The following PLIN5 variants were observed in gnomAD, a reference collection of about 807,000 sequenced individuals.
The protein encoded by PLIN5 is perilipin 5.
A neutral mutation model predicts 32.8 loss-of-function variants in PLIN5; 34 were observed. That is an observed-to-expected ratio of 1.04 (90% confidence interval 0.79 to 1.38). The LOEUF (loss-of-function observed/expected upper bound fraction) is 1.38. Ranked by LOEUF, PLIN5 falls within the 40% of genes most tolerant of loss-of-function variation. PLIN5 has a pLI of 0.00. For missense variants in PLIN5, 712 were observed against 660.5 expected (o/e 1.08, Z -0.85); for synonymous variants, 309 against 292.9 (o/e 1.05, Z -0.56).
chr19:4,529,610 T>TATAC (rs533772328), intron 4 of PLIN5, 174 bp downstream of exon 4: 16 of 432,502 alleles, frequency 3.7e-5, no homozygotes, highest in Admixed American at 1.7e-4. Context: ...CATATATGTA[T>TATAC]ACACACACAC....
intron 2 of PLIN5, 164 bp downstream of exon 2, chr19:4,533,851 C>G (rs561315856): frequency 1.3e-6 from 1 of 758,636 alleles, no homozygotes; most frequent in South Asian, 1.8e-5. Context: ...ATTAAGCCCC[C>G]ACTAGGAAAT....
chr19:4,528,016 T>C (rs185499146), intron 5 of PLIN5, among the ~76,000 whole-genome samples: 5,094 of 151,316 alleles, frequency 0.034, 248 homozygotes, highest in African/African-American at 0.11. Context: ...TTCACGCCAT[T>C]CTCCTGCCTC....
Position 4,523,214 on chromosome 19 carries a change from T to C in PLIN5, c.*314A>G. The C allele has an allele frequency of 3.7e-6, 1 of 272,712 alleles. No homozygotes were observed. Among genetic ancestry groups the C allele is most frequent in the Non-Finnish European group, 6.9e-6 (1 of 145,728 alleles). 16.9% of individuals were successfully genotyped at this position (272,712 alleles called of 1,614,324 possible). Reference sequence around the variant, plus strand: ...TGCTGGGATTACAGGCGTGAGCCACTGTGCCCAGCCTCTTGGAAAGATTTG... The same window carrying C: ...TGCTGGGATTACAGGCGTGAGCCACCGTGCCCAGCCTCTTGGAAAGATTTG... On this transcript the variant is annotated 3_prime_UTR_variant, in exon 8 of 8. Transcript: ENST00000381848. This position sits in a 1 kb window ranked among gnomAD's most constrained non-coding sequence, Gnocchi z 5.0.
At position 4,529,267 on chromosome 19, in the gene PLIN5, C is replaced by A. The variant is rs544077717; in HGVS notation, c.340-14G>T. On this transcript the variant is annotated splice_polypyrimidine_tract_variant and intron_variant, in intron 4 of 7. Coordinates refer to ENST00000381848, the MANE Select transcript of PLIN5 (RefSeq NM_001013706.3). ...TGAGGTCACCACCTGGAAGGAAGGG[C>A]CCCCCCACTCCAGGCACCGTGGGAC... The A allele has an allele frequency of 3.8e-6, 6 of 1,581,978 alleles. No homozygotes were observed. In the African/African-American group the frequency reaches 4.1e-5, roughly 11 times the overall value.
intron 4 of PLIN5, chr19:4,529,459 TAC>T: frequency 3.4e-6 from 2 of 584,068 alleles, no homozygotes; most frequent in South Asian, 4.4e-5. Flanking sequence ...TACATATGTA[TAC>T]ACACATACAT....
Position 4,531,680 on chromosome 19 carries a change from G to T in PLIN5, c.203C>A (p.Thr68Asn), listed in dbSNP as rs1158914283. The change falls in exon 3 of 8, where the codon ACC becomes AAC. Residue 68 changes from threonine (T) to asparagine (N), a missense_variant. By Grantham distance (65) the Thr-to-Asn change is moderately conservative (BLOSUM62 0). Coordinates refer to ENST00000381848, the MANE Select transcript of PLIN5 (RefSeq NM_001013706.3). ...CTGGGCGTGGTCCAGGGCACGGGTG[G>T]TCAGGCCGCACACGCAGTTCTCAGC... ...RLAENCVCGL[T>N]TRALDHAQPL... is the part of the protein sequence containing the mutation. The T allele has an allele frequency of 2.6e-6, 4 of 1,549,088 alleles. No homozygotes were observed. The East Asian group carries it at 9.7e-5, about 38-fold the overall frequency.
chr19:4,528,930 G>T (rs1488033642), intron 5 of PLIN5, 143 bp downstream of exon 5: 4 of 872,906 alleles, frequency 4.6e-6, no homozygotes, highest in African/African-American at 3.4e-5. Flanking sequence ...GACCGGGAGG[G>T]AGGACAGGCC....
chr19:4,524,930 ACAC>A (rs1976780349), intron 7 of PLIN5, 30 bp downstream of exon 7: 3 of 1,506,016 alleles, frequency 2.0e-6, no homozygotes, highest in East Asian at 5.4e-5. Flanking sequence ...CTGGTGGCAG[ACAC>A]CACCTCACCT....
At chr19:4,528,085 AT>A (rs1976830437) in intron 5 of PLIN5, among the ~76,000 whole-genome samples, 1 of 151,396 alleles carries the variant, frequency 6.6e-6, no homozygotes, top group South Asian at 2.1e-4. Context: ...AATTTTTTGT[AT>A]TTTTAGTAGA....
In PLIN5 at chr19:4,523,165, T is replaced by C. The variant is rs143831727; in HGVS notation, c.*363A>G. On this transcript the variant is annotated 3_prime_UTR_variant, in exon 8 of 8. Coordinates refer to ENST00000381848, the MANE Select transcript of PLIN5 (RefSeq NM_001013706.3). The surrounding 1 kb of genome is among the most constrained non-coding windows in gnomAD (Gnocchi z 5.0). The stretch of plus-strand genomic sequence containing the variant: ...ATCCCGAACTCCTGACTTCAGATGA[T>C]CCACCTGCCTCAGACTCCCAAAGTG... The C allele has an allele frequency of 2.0e-3, 386 of 188,318 alleles. 5 individuals carry two copies. Among genetic ancestry groups the C allele is most frequent in the South Asian group, 0.012 (66 of 5,326 alleles). The allele number at this position is 188,318 out of a possible 1,614,324, so 11.7% of individuals were successfully genotyped here. A position where few individuals can be genotyped will look rare whatever the true frequency, so the allele number is the denominator to read the frequency against.
Position 4,529,044 on chromosome 19 carries a change from G to C in PLIN5, c.520+29C>G, listed in dbSNP as rs376221050. On this transcript the variant is annotated intron_variant, in intron 5 of 7. Coordinates refer to ENST00000381848, the MANE Select transcript of PLIN5 (RefSeq NM_001013706.3). Reference sequence around the variant, plus strand: ...GGGGATGGGGACGGGGCAGGACTCAGGGGTTAGGGTTGAGGGTGTCGTCCT... The same window carrying C: ...GGGGATGGGGACGGGGCAGGACTCACGGGTTAGGGTTGAGGGTGTCGTCCT... 3 of 1,603,784 alleles carry C rather than the reference G, an allele frequency of 1.9e-6. No individual in the cohort carries two copies. In the African/African-American group the frequency reaches 4.0e-5, roughly 21 times the overall value.
chr19:4,531,018 T>G (rs1361144741), intron 3 of PLIN5, among the ~76,000 whole-genome samples: 1 of 150,008 alleles, frequency 6.7e-6, no homozygotes, highest in Non-Finnish European at 1.5e-5. Context: ...TTTTTTTTTT[T>G]GAAATGGAGT....
rs553119193 is a variant in PLIN5, at chr19:4,531,975, C to T, written c.61-153G>A. Among the ~76,000 whole-genome samples, 29 of 152,334 alleles carry T rather than the reference C, an allele frequency of 1.9e-4. 1 individual carries two copies. Among genetic ancestry groups the T allele is most frequent in the Non-Finnish European group, 1.0e-4 (7 of 68,030 alleles). On this transcript the variant is annotated intron_variant, in intron 2 of 7. Coordinates refer to ENST00000381848, the MANE Select transcript of PLIN5 (RefSeq NM_001013706.3). ...GCCACGTAGAGGCAGTGAAGATAAA[C>T]GTGGATGTGAGAATGTCATGGTTCC...
intron 2 of PLIN5, 134 bp downstream of exon 2, chr19:4,533,881 C>T: frequency 3.7e-6 from 4 of 1,073,834 alleles, no homozygotes; most frequent in Non-Finnish European, 5.4e-6. Flanking sequence ...CCTCCATGGA[C>T]CAAAATATTT....
At chr19:4,534,348 G>A (rs1164915117) in intron 1 of PLIN5, 3 of 480,644 alleles carry the variant, frequency 6.2e-6, no homozygotes, top group South Asian at 3.6e-5. Context: ...AAAGACCTGG[G>A]TTCAAATGCT....
intron 2 of PLIN5, 52 bp downstream of exon 2, chr19:4,533,963 C>A (rs754736513): frequency 6.3e-7 from 1 of 1,578,112 alleles, no homozygotes; most frequent in Non-Finnish European, 8.6e-7. Flanking sequence ...CTAGAAGGGA[C>A]TGTCCCACAC....
Position 4,523,614 on chromosome 19 carries a change from C to G in PLIN5, c.1306G>C (p.Gly436Arg). The G allele has an allele frequency of 6.2e-7, 1 of 1,609,912 alleles. No homozygotes were observed. The highest frequency in any genetic ancestry group is 2.2e-5 in the East Asian group (1 of 44,606). The stretch of plus-strand genomic sequence containing the variant: ...TGCTCGCAGATGTCCCCGGCAACAC[C>G]CATCCTGTCCCCATCCCCATTCCCA... Reference protein sequence around the residue: ...GSGNGDGDRMGVAGDICEQEP... With the variant: ...GSGNGDGDRMRVAGDICEQEP... The change falls in exon 8 of 8, where the codon GGT becomes CGT. Residue 436 changes from glycine (G) to arginine (R), a missense_variant. Coordinates refer to ENST00000381848, the MANE Select transcript of PLIN5 (RefSeq NM_001013706.3). This position sits in a 1 kb window ranked among gnomAD's most constrained non-coding sequence, Gnocchi z 5.0.
rs1196542030 is a variant in PLIN5 at position 4,525,045 on chromosome 19, G to C, written c.752C>G (p.Thr251Ser). 6.9e-7 allele frequency: 1 copy of C among 1,451,848 alleles called. No homozygotes were observed. The highest frequency in any genetic ancestry group is 1.4e-5 in the South Asian group (1 of 71,606). The allele number at this position is 1,451,848 out of a possible 1,614,324, so 89.9% of individuals were successfully genotyped here. A position where few individuals can be genotyped will look rare whatever the true frequency, so the allele number is the denominator to read the frequency against. ...IDHMQCGVTP[T>S]APACPGKVHE... is the part of the protein sequence containing the mutation. ...CACCTTCCCAGGGCAGGCCGGGGCGGTGGGGGTCACCCCACACTGCATGTG... is the reference window on the plus strand; with the variant it reads ...CACCTTCCCAGGGCAGGCCGGGGCGCTGGGGGTCACCCCACACTGCATGTG... Residue 251 changes from threonine (T) to serine (S), a missense_variant, in exon 7 of 8, where the codon ACC becomes AGC. Thr to Ser is a moderately conservative substitution (Grantham distance 58, BLOSUM62 1). Coordinates refer to ENST00000381848, the MANE Select transcript of PLIN5 (RefSeq NM_001013706.3). The surrounding 1 kb of genome is among the most constrained non-coding windows in gnomAD (Gnocchi z 5.6).
chr19:4,524,172 G>C, intron 7 of PLIN5, 87 bp from the exon 8 acceptor site: 2 of 1,303,786 alleles, frequency 1.5e-6, no homozygotes, highest in South Asian at 3.5e-5. Flanking sequence ...ACCCACAGTG[G>C]AGCTGTCAAC....
Sources: gnomAD v4.1 joint callset for allele counts (sites outside exome capture counted in the v4.1 genomes callset) on GRCh38, gnomAD v4.1.1 for gene constraint, Gnocchi (gnomAD v3.1) non-coding constraint, MANE v1.5 for transcripts, NCBI Gene and HGNC (gene_info 2026-07-23, HGNC 2026-07-21) for gene names.